The following RANBP3 variants were observed in gnomAD, a reference collection of about 807,000 sequenced individuals.
RANBP3 encodes the protein ran-binding protein 3.
RANBP3 carries 14 observed loss-of-function variants against 77.3 expected under a neutral mutation model. The ratio of observed to expected loss-of-function variants is 0.18; its 90% confidence interval spans 0.12 to 0.28. The LOEUF is 0.28. Ranked by LOEUF, RANBP3 falls within the 10% of genes least tolerant of loss-of-function variation. The probability of loss-of-function intolerance (pLI) is 1.00; values close to 1 mark genes in which losing one functional copy is unlikely to be tolerated. For synonymous variants in RANBP3, 315 were observed against 312.4 expected (o/e 1.01, Z -0.09); for missense variants, 586 against 752.3 (o/e 0.78, Z 2.59).
intron 1 of RANBP3, among the ~76,000 whole-genome samples, chr19:5,968,082 G>A (rs1223181539): frequency 6.6e-6 from 1 of 152,110 alleles, no homozygotes; most frequent in Non-Finnish European, 1.5e-5. Flanking sequence ...CAGCTTTAAC[G>A]GCACTTTTCT....
chr19:5,956,760 A>G (rs1568472804), intron 2 of RANBP3, among the ~76,000 whole-genome samples: 1 of 152,356 alleles, frequency 6.6e-6, no homozygotes, highest in East Asian at 1.9e-4. Flanking sequence ...GCTTTGGGAC[A>G]GGACCTAAGA....
chr19:5,941,333 C>A (rs2145137335), intron 5 of RANBP3, among the ~76,000 whole-genome samples: 1 of 152,052 alleles, frequency 6.6e-6, no homozygotes, highest in African/African-American at 2.4e-5. Context: ...CCCAACAGGG[C>A]TCTCAGTAGT....
intron 5 of RANBP3, among the ~76,000 whole-genome samples, chr19:5,936,787 G>A (rs1455690521): frequency 6.6e-6 from 1 of 152,100 alleles, no homozygotes; most frequent in African/African-American, 2.4e-5. Flanking sequence ...ACCCACTGAT[G>A]CCAACAGAAG....
At chr19:5,938,850 G>T (rs1035531504) in intron 5 of RANBP3, among the ~76,000 whole-genome samples, 2 of 152,064 alleles carry the variant, frequency 1.3e-5, no homozygotes, top group Admixed American at 1.3e-4. Context: ...AAGGGGCAGG[G>T]ATTCTTTTTA....
At chr19:5,925,319 C>T (rs959257625) in intron 10 of RANBP3, 2 of 511,126 alleles carry the variant, frequency 3.9e-6, no homozygotes, top group African/African-American at 3.8e-5. Context: ...CTGGCCTGCT[C>T]TGTTCTGCTC....
At chr19:5,961,201 T>C (rs1167631550) in intron 1 of RANBP3, among the ~76,000 whole-genome samples, 1 of 148,666 alleles carries the variant, frequency 6.7e-6, no homozygotes, top group East Asian at 1.9e-4. Flanking sequence ...CCCAGCACTT[T>C]GGGAGGCCGA....
At chr19:5,946,302 C>T (rs1023717770) in intron 3 of RANBP3, among the ~76,000 whole-genome samples, 1 of 152,324 alleles carries the variant, frequency 6.6e-6, no homozygotes, top group East Asian at 1.9e-4. Context: ...GGACTTGCTG[C>T]GTGGGTGGAG....
In RANBP3 at chr19:5,917,455, T is replaced by G; in HGVS notation, c.*155A>C. The G allele has an allele frequency of 2.5e-6, 2 of 791,476 alleles. No individual in the cohort carries two copies. The allele number at this position is 791,476 out of a possible 1,614,324, so 49.0% of individuals were successfully genotyped here. A position where few individuals can be genotyped will look rare whatever the true frequency, so the allele number is the denominator to read the frequency against. On this transcript the variant is annotated 3_prime_UTR_variant, in exon 17 of 17. Coordinates refer to ENST00000340578, the MANE Select transcript of RANBP3 (RefSeq NM_007322.3). ...ACATTCAGGCAGTTCCCGAGTCTGC[T>G]TTTGAACAGGACGTGCGGGTCCAGA...
At chr19:5,937,056 CA>C (rs71172783) in intron 5 of RANBP3, among the ~76,000 whole-genome samples, 138 of 37,160 alleles carry the variant, frequency 3.7e-3, no homozygotes, top group South Asian at 6.2e-3. Context: ...ACTCTGTCTC[CA>C]AAAAAAAAAA....
rs986434807 is a variant in RANBP3 at position 5,959,534 on chromosome 19, C to T, written c.23-1561G>A. On this transcript the variant is annotated intron_variant, in intron 1 of 16. Transcript: ENST00000340578. This position sits in a 1 kb window ranked among gnomAD's most constrained non-coding sequence, Gnocchi z 5.1. ...CAAACACTGGAGTGAGTGGCGTGCGCGAGACCCAGGGGCTACAAGGGAGCA... is the reference window on the plus strand; with the variant it reads ...CAAACACTGGAGTGAGTGGCGTGCGTGAGACCCAGGGGCTACAAGGGAGCA... Among the ~76,000 whole-genome samples, 9 of 151,960 alleles carry T rather than the reference C, an allele frequency of 5.9e-5. No homozygotes were observed. The highest frequency in any genetic ancestry group is 5.8e-4 in the East Asian group (3 of 5,132).
chr19:5,932,851 C>T lies in RANBP3; in HGVS notation c.473-307G>A, dbSNP rs2058012872. The stretch of plus-strand genomic sequence containing the variant: ...TGGAGACTGTGGGAGGAGAGCAGTG[C>T]ATTCACAGGCAGCTACCTGGAGGCT... On this transcript the variant is annotated intron_variant, in intron 6 of 16. Transcript: ENST00000340578. The T allele has an allele frequency of 7.5e-6, 3 of 400,180 alleles. No homozygotes were observed. In the East Asian group the frequency reaches 1.6e-4, roughly 21 times the overall value. 24.8% of individuals were successfully genotyped at this position (400,180 alleles called of 1,614,324 possible).
intron 2 of RANBP3, 149 bp downstream of exon 2, chr19:5,957,769 G>C: frequency 1.2e-6 from 1 of 801,132 alleles, no homozygotes. Context: ...TTCCCTCCAA[G>C]CTCAACGTGA....
intron 1 of RANBP3, among the ~76,000 whole-genome samples, chr19:5,973,379 G>A (rs1298499271): frequency 6.6e-6 from 1 of 152,196 alleles, no homozygotes; most frequent in African/African-American, 2.4e-5. Context: ...CTGCCCCCGG[G>A]GGGACACTGG....
Position 5,959,168 on chromosome 19 carries a change from G to A in RANBP3, c.23-1195C>T, listed in dbSNP as rs1342388153. On this transcript the variant is annotated intron_variant, in intron 1 of 16. Coordinates refer to ENST00000340578, the MANE Select transcript of RANBP3 (RefSeq NM_007322.3). The surrounding 1 kb of genome is among the most constrained non-coding windows in gnomAD (Gnocchi z 5.1). ...TTGAAGTCACAGCTTGCGGGGTGATGGGGCCAGGGGCAGGCGGTGGGCATG... is the reference window on the plus strand; with the variant it reads ...TTGAAGTCACAGCTTGCGGGGTGATAGGGCCAGGGGCAGGCGGTGGGCATG... Among the ~76,000 whole-genome samples the A allele has an allele frequency of 1.3e-5, 2 of 152,140 alleles. No individual in the cohort carries two copies. The highest frequency in any genetic ancestry group is 4.8e-5 in the African/African-American group (2 of 41,426).
Position 5,978,134 on chromosome 19 carries a change from G to C in RANBP3, c.-52C>G, listed in dbSNP as rs2058621106. On this transcript the variant is annotated 5_prime_UTR_variant, in exon 1 of 17. Transcript: ENST00000340578. ...GCCCCGCGCCGGCCCAGGCTCGCCT[G>C]CTTTCTGCCAGAAACTCCCGCGCGT... 2 of 1,586,566 alleles carry C rather than the reference G, an allele frequency of 1.3e-6. No homozygotes were observed. Among genetic ancestry groups the C allele is most frequent in the Non-Finnish European group, 1.7e-6 (2 of 1,169,034 alleles).
intron 3 of RANBP3, among the ~76,000 whole-genome samples, chr19:5,945,702 C>T (rs1278366205): frequency 7.2e-5 from 11 of 152,152 alleles, no homozygotes; most frequent in South Asian, 2.1e-4. Context: ...TTTTGCTTTG[C>T]GTATTTTGGG....
intron 9 of RANBP3, among the ~76,000 whole-genome samples, chr19:5,926,011 C>G (rs2057903744): frequency 6.6e-6 from 1 of 152,220 alleles, no homozygotes; most frequent in Non-Finnish European, 1.5e-5. Flanking sequence ...TGTTATAAAA[C>G]CACGCCTAAG....
chr19:5,926,543 T>G (rs1421685647), intron 9 of RANBP3, among the ~76,000 whole-genome samples: 13 of 151,962 alleles, frequency 8.6e-5, no homozygotes, highest in Admixed American at 8.5e-4. Context: ...ACAGCAAGAC[T>G]TCGTGTCCAA....
intron 1 of RANBP3, among the ~76,000 whole-genome samples, chr19:5,963,454 G>A (rs2058427998): frequency 6.6e-6 from 1 of 152,196 alleles, no homozygotes; most frequent in Non-Finnish European, 1.5e-5. Flanking sequence ...GGGAGGCCGA[G>A]GTGGGAGGAC....
Sources: gnomAD v4.1 joint callset for allele counts (sites outside exome capture counted in the v4.1 genomes callset) on GRCh38, gnomAD v4.1.1 for gene constraint, Gnocchi (gnomAD v3.1) non-coding constraint, MANE v1.5 for transcripts, NCBI Gene and HGNC (gene_info 2026-07-23, HGNC 2026-07-21) for gene names.